The following ABCB10 variants were observed in gnomAD, a reference collection of about 807,000 sequenced individuals.
ABCB10 encodes the protein ATP-binding cassette sub-family B member 10, mitochondrial.
ABCB10 carries 54 observed loss-of-function variants against 65.4 expected under a neutral mutation model. The observed-to-expected ratio is 0.83, with a 90% confidence interval of 0.66 to 1.04. The LOEUF is 1.04. Ranked by LOEUF, ABCB10 falls within the 50% of genes least tolerant of loss-of-function variation. The probability of loss-of-function intolerance (pLI) is 0.00; values close to 1 mark genes in which losing one functional copy is unlikely to be tolerated. For missense variants in ABCB10, 846 were observed against 976.6 expected, an observed-to-expected ratio of 0.87 and a Z score of 1.78; for synonymous variants, 418 against 406.5, an observed-to-expected ratio of 1.03 and a Z score of -0.34.
At chr1:229,533,329 G>A (rs181623195) in intron 6 of ABCB10, among the ~76,000 whole-genome samples, 176 of 151,752 alleles carry the variant, frequency 1.2e-3, no homozygotes, top group South Asian at 4.2e-3. Context: ...TCACCATGTT[G>A]GCCAGGCTGG....
At chr1:229,525,554 A>C (rs1014319084) in intron 10 of ABCB10, among the ~76,000 whole-genome samples, 3 of 152,082 alleles carry the variant, frequency 2.0e-5, no homozygotes, top group African/African-American at 7.2e-5. Flanking sequence ...ATATAGAAAC[A>C]TGTGGGCTGG....
rs559674797 is a variant in ABCB10 at position 229,553,357 on chromosome 1, G to A, written c.518-3923C>T. Reference sequence around the variant, plus strand: ...ACTGCCGACCTCAGGTGATCCGCCCGCCTCAGCCTCCCAAAGTACTGGGAT... The same window carrying A: ...ACTGCCGACCTCAGGTGATCCGCCCACCTCAGCCTCCCAAAGTACTGGGAT... On this transcript the variant is annotated intron_variant, in intron 1 of 12. Coordinates refer to ENST00000344517, the MANE Select transcript of ABCB10 (RefSeq NM_012089.3). 2.0e-4 allele frequency among the ~76,000 whole-genome samples: 30 copies of A among 152,162 alleles called. 1 individual carries two copies. The South Asian group carries it at 3.7e-3, about 19-fold the overall frequency.
At position 229,517,180 on chromosome 1, in the gene ABCB10, G is replaced by A. The variant is rs1376707112; in HGVS notation, c.*999C>T. 1 of 152,160 alleles carries A rather than the reference G, an allele frequency of 6.6e-6. No individual in the cohort carries two copies. Among genetic ancestry groups the A allele is most frequent in the Non-Finnish European group, 1.5e-5 (1 of 68,018 alleles). 9.4% of individuals were successfully genotyped at this position (152,160 alleles called of 1,614,324 possible). A position where few individuals can be genotyped will look rare whatever the true frequency, so the allele number is the denominator to read the frequency against. ...GCTTATTAATATCTTCTTTTCAGGA[G>A]AGTGATACATTCTGAAGTTTTCTTG... On this transcript the variant is annotated 3_prime_UTR_variant, in exon 13 of 13. Coordinates refer to ENST00000344517, the MANE Select transcript of ABCB10 (RefSeq NM_012089.3).
chr1:229,540,629 C>A lies in ABCB10; in HGVS notation c.1180G>T (p.Ala394Ser). ...VMQLARKEAF[A>S]RAGFFGATGL... ...ACTGCTCCAAAGAAACCAGCCCGGG[C>A]GAATGCCTCTTTCCTTGCTAACTGC... The change falls in exon 5 of 13, where the codon GCC becomes TCC. Residue 394 changes from alanine (A) to serine (S), a missense_variant. By Grantham distance (99) the Ala-to-Ser change is moderately conservative (BLOSUM62 1). Around this residue, in one of 2 missense-constraint regions of ABCB10, gnomAD observed 632 missense variants for 803.2 expected, o/e 0.79. Coordinates refer to ENST00000344517, the MANE Select transcript of ABCB10 (RefSeq NM_012089.3). The A allele has an allele frequency of 6.2e-7, 1 of 1,611,546 alleles. No homozygotes were observed.
intron 10 of ABCB10, among the ~76,000 whole-genome samples, chr1:229,523,060 G>A (rs914335323): frequency 1.3e-5 from 2 of 152,032 alleles, no homozygotes; most frequent in African/African-American, 4.8e-5. Context: ...CCCTCCTCTA[G>A]AGGAAAAAAT....
chr1:229,529,496 C>T (rs528932983), intron 8 of ABCB10, among the ~76,000 whole-genome samples: 4 of 148,026 alleles, frequency 2.7e-5, no homozygotes, highest in African/African-American at 1.0e-4. Context: ...CGGTGAAACC[C>T]CAACTCTATT....
Position 229,558,211 on chromosome 1 carries a change from G to T in ABCB10, c.442C>A (p.Arg148Ser). The T allele has an allele frequency of 7.1e-7, 1 of 1,406,324 alleles. No homozygotes were observed. The highest frequency in any genetic ancestry group is 9.2e-7 in the Non-Finnish European group (1 of 1,081,830). The allele number at this position is 1,406,324 out of a possible 1,614,324, so 87.1% of individuals were successfully genotyped here. The change falls in exon 1 of 13, where the codon CGC becomes AGC. Residue 148 changes from arginine (R) to serine (S), a missense_variant. Transcript: ENST00000344517. ...AAPPGDKGRL[R>S]PAAAGLPEAR... ...TCCGGGAGTCCGGCCGCTGCGGGGCGCAGCCGCCCCTTGTCCCCGGGAGGC... is the reference window on the plus strand; with the variant it reads ...TCCGGGAGTCCGGCCGCTGCGGGGCTCAGCCGCCCCTTGTCCCCGGGAGGC...
chr1:229,541,785 T>G (rs1662852390), intron 4 of ABCB10, among the ~76,000 whole-genome samples: 1 of 151,636 alleles, frequency 6.6e-6, no homozygotes, highest in Non-Finnish European at 1.5e-5. Context: ...ACAAAAAATT[T>G]TAAAAATTAG....
At chr1:229,534,091 G>A (rs1042850538) in intron 6 of ABCB10, among the ~76,000 whole-genome samples, 4 of 152,136 alleles carry the variant, frequency 2.6e-5, no homozygotes, top group Admixed American at 2.0e-4. Context: ...GAAACATGAA[G>A]ACTTACTTAA....
Position 229,530,348 on chromosome 1 carries a change from A to T in ABCB10, c.1496T>A (p.Phe499Tyr). The change falls in exon 8 of 13, where the codon TTT (phenylalanine) becomes TAT (tyrosine). Residue 499 changes from phenylalanine (F) to tyrosine (Y), a missense_variant. Around this residue, in one of 2 missense-constraint regions of ABCB10, gnomAD observed 632 missense variants for 803.2 expected, o/e 0.79. Transcript: ENST00000344517. The stretch of plus-strand genomic sequence containing the variant: ...CACCTCTGGGCGAGCTGGATAGGCA[A>T]AATGCACGTTCTTAAACTCCAAAGC... ...QGALEFKNVHFAYPARPEVPI... is the reference protein window; with the variant it reads ...QGALEFKNVHYAYPARPEVPI... 6.2e-7 allele frequency: 1 copy of T among 1,614,218 alleles called. No individual in the cohort carries two copies. Among genetic ancestry groups the T allele is most frequent in the South Asian group, 1.1e-5 (1 of 91,076 alleles).
At chr1:229,550,873 AAAG>A (rs1192509519) in intron 1 of ABCB10, among the ~76,000 whole-genome samples, 4 of 151,342 alleles carry the variant, frequency 2.6e-5, no homozygotes, top group African/African-American at 9.8e-5. Flanking sequence ...CAAAAAAAAA[AAAG>A]AAAAGAAAAG....
intron 6 of ABCB10, among the ~76,000 whole-genome samples, chr1:229,537,615 C>T (rs1377718554): frequency 6.6e-6 from 1 of 152,010 alleles, no homozygotes; most frequent in Non-Finnish European, 1.5e-5. Flanking sequence ...GGTGAAACCC[C>T]GTCTCTATTA....
At chr1:229,518,558 T>A (rs1662231504) in intron 12 of ABCB10, 148 bp from the exon 13 acceptor site, 1 of 700,522 alleles carries the variant, frequency 1.4e-6, no homozygotes, top group Non-Finnish European at 2.4e-6. Context: ...CATAAAACTA[T>A]ACTGTGATGT....
In ABCB10 at chr1:229,541,973, AAAG is replaced by A. The variant is rs1184975284; in HGVS notation, c.1056+261_1056+263del. On this transcript the variant is annotated intron_variant, in intron 4 of 12. Transcript: ENST00000344517. ...TCTCAAAAAAAAAAAACAAAAAAAA[AAAG>A]AAAGAAAAGAAATAGTGATAGTAAC... is the stretch of plus-strand genomic sequence containing the variant. Among the ~76,000 whole-genome samples, 225 of 152,066 alleles carry A rather than the reference AAAG, an allele frequency of 1.5e-3. 1 individual carries two copies. Among genetic ancestry groups the A allele is most frequent in the African/African-American group, 5.4e-3 (222 of 41,450 alleles).
chr1:229,528,674 A>AT (rs905279970), intron 8 of ABCB10, among the ~76,000 whole-genome samples: 16 of 151,972 alleles, frequency 1.1e-4, no homozygotes, highest in Non-Finnish European at 1.8e-4. Context: ...CAAAACATTC[A>AT]TTTTTTAAAT....
At chr1:229,521,445 C>T (rs1214511354) in intron 11 of ABCB10, 147 bp downstream of exon 11, 2 of 855,788 alleles carry the variant, frequency 2.3e-6, no homozygotes, top group African/African-American at 1.7e-5. Context: ...ACTTACCTTT[C>T]ACCAGAACTG....
chr1:229,528,864 T>TA (rs1662503747), intron 8 of ABCB10, among the ~76,000 whole-genome samples: 2 of 152,176 alleles, frequency 1.3e-5, no homozygotes, highest in South Asian at 4.1e-4. Flanking sequence ...TGATTTTTAC[T>TA]AAGAGTTGTT....
chr1:229,539,530 C>T lies in ABCB10; in HGVS notation c.1265G>A (p.Gly422Asp). The change falls in exon 6 of 13, where the codon GGC (glycine) becomes GAC (aspartate). Residue 422 changes from glycine (G) to aspartate (D), a missense_variant. Gly to Asp is a moderately conservative substitution (Grantham distance 94, BLOSUM62 -1). This residue lies in a region of ABCB10 where 632 missense variants were observed against 803.2 expected (regional missense o/e 0.79). Coordinates refer to ENST00000344517, the MANE Select transcript of ABCB10 (RefSeq NM_012089.3). The part of the protein sequence containing the change: ...SVLYKGGLLM[G>D]SAHMTVGELS... The stretch of plus-strand genomic sequence containing the variant: ...TTCACCCACGGTCATGTGGGCACTG[C>T]CCATCAGCAGCCCTCCTTTGTACAG... 1.2e-6 allele frequency: 2 copies of T among 1,614,056 alleles called. No individual in the cohort carries two copies. Among genetic ancestry groups the T allele is most frequent in the African/African-American group, 2.7e-5 (2 of 75,014 alleles).
At chr1:229,534,313 C>T (rs1662653414) in intron 6 of ABCB10, among the ~76,000 whole-genome samples, 1 of 152,192 alleles carries the variant, frequency 6.6e-6, no homozygotes, top group Non-Finnish European at 1.5e-5. Context: ...ACTCTCATTC[C>T]TTGCTAGTGG....
Sources: gnomAD v4.1 joint callset for allele counts (sites outside exome capture counted in the v4.1 genomes callset) on GRCh38, gnomAD v4.1.1 for gene constraint, gnomAD v4.1.1 regional missense constraint, MANE v1.5 for transcripts, NCBI Gene and HGNC (gene_info 2026-07-23, HGNC 2026-07-21) for gene names.